UGT1A10: variants seen among roughly 807,000 people sequenced by gnomAD.
UGT1A10 encodes the protein UDP glucuronosyltransferase family 1 member A10.
A neutral mutation model predicts 45.8 loss-of-function variants in UGT1A10; 49 were observed. That is an observed-to-expected ratio of 1.07 (90% CI 0.85 to 1.36). The LOEUF (loss-of-function observed/expected upper bound fraction) is 1.36, where lower values mean the gene tolerates loss of function less well. Ranked by LOEUF, UGT1A10 falls within the 40% of genes most tolerant of loss-of-function variation. The probability of loss-of-function intolerance (pLI) is 0.00; values close to 1 mark genes in which losing one functional copy is unlikely to be tolerated. For missense variants in UGT1A10, 745 were observed against 668.6 expected (o/e 1.11, Z -1.26); for synonymous variants, 284 against 249.7 (o/e 1.14, Z -1.29).
intron 1 of UGT1A10, among the ~76,000 whole-genome samples, chr2:233,766,269 TCGGTGGCCC>T (rs2126023765): frequency 2.9e-5 from 2 of 67,956 alleles, no homozygotes; most frequent in East Asian, 5.0e-4. Flanking sequence ...TGGCCCGGGC[TCGGTGGCCC>T]GGGCTCGGTG....
intron 1 of UGT1A10, among the ~76,000 whole-genome samples, chr2:233,640,323 A>G (rs966002024): frequency 2.6e-5 from 4 of 152,106 alleles, no homozygotes; most frequent in South Asian, 4.2e-4. Context: ...GACCTTTTAA[A>G]GAAACTTTTT....
intron 1 of UGT1A10, chr2:233,682,228 C>T: frequency 1.2e-6 from 2 of 1,614,236 alleles, no homozygotes; most frequent in Non-Finnish European, 1.7e-6. Context: ...CCGATGCTCG[C>T]TGGACGGCAC....
At chr2:233,725,981 C>T (rs28899190) in intron 1 of UGT1A10, among the ~76,000 whole-genome samples, 4,581 of 152,048 alleles carry the variant, frequency 0.03, 268 homozygotes, top group African/African-American at 0.1. Flanking sequence ...GCCTGGGAAA[C>T]GTGCTGAGAC....
chr2:233,694,081 G>C (rs984890530), intron 1 of UGT1A10, among the ~76,000 whole-genome samples: 2 of 152,200 alleles, frequency 1.3e-5, no homozygotes, highest in African/African-American at 4.8e-5. Context: ...TGCTTGGCAA[G>C]AGTAGGAGAT....
At chr2:233,666,748 A>G (rs1243041832) in intron 1 of UGT1A10, among the ~76,000 whole-genome samples, 1 of 151,872 alleles carries the variant, frequency 6.6e-6, no homozygotes, top group Non-Finnish European at 1.5e-5. Context: ...TGCTGCACCC[A>G]TTAACTCGTC....
chr2:233,707,242 T>C (rs1364036901), intron 1 of UGT1A10, among the ~76,000 whole-genome samples: 1 of 152,184 alleles, frequency 6.6e-6, no homozygotes, highest in African/African-American at 2.4e-5. Flanking sequence ...ATTATTTCTC[T>C]TGTGTTTTTC....
At chr2:233,772,143 C>T in intron 4 of UGT1A10, 119 bp from the exon 5 acceptor site, 2 of 1,550,602 alleles carry the variant, frequency 1.3e-6, no homozygotes, top group Non-Finnish European at 1.7e-6. Flanking sequence ...ATAATAGAAA[C>T]AGGTTTCCTT....
intron 1 of UGT1A10, among the ~76,000 whole-genome samples, chr2:233,650,393 G>A (rs746789376): frequency 3.9e-5 from 6 of 152,230 alleles, no homozygotes; most frequent in Non-Finnish European, 7.3e-5. Context: ...ATTTTTGTCA[G>A]AATTGTGTAA....
chr2:233,709,990 G>T (rs1439015971), intron 1 of UGT1A10, among the ~76,000 whole-genome samples: 1 of 152,156 alleles, frequency 6.6e-6, no homozygotes, highest in Admixed American at 6.5e-5. Context: ...CATCTGAATG[G>T]AATCATACAA....
In UGT1A10 at chr2:233,740,456, A is replaced by T. The variant is rs1042251699; in HGVS notation, c.856-26578A>T. ...GAAAGTGGAATCAGAGGAGAAGAAG[A>T]TGATGGACAGAAAGGATCATTCCCT... On this transcript the variant is annotated intron_variant, in intron 1 of 4. Transcript: ENST00000344644. 7.2e-5 allele frequency among the ~76,000 whole-genome samples: 11 copies of T among 151,968 alleles called. 1 individual carries two copies. The highest frequency in any genetic ancestry group is 2.4e-4 in the African/African-American group (10 of 41,218).
At chr2:233,648,859 A>G (rs2073669566) in intron 1 of UGT1A10, 1 of 1,227,434 alleles carries the variant, frequency 8.1e-7, no homozygotes, top group East Asian at 2.9e-5. Flanking sequence ...TGCCTTAAAC[A>G]TAGCCTCTGA....
intron 1 of UGT1A10, among the ~76,000 whole-genome samples, chr2:233,739,239 G>C (rs1225583543): frequency 6.6e-6 from 1 of 152,230 alleles, no homozygotes; most frequent in Non-Finnish European, 1.5e-5. Context: ...ACCTCTGCTA[G>C]AGAAGGGTGG....
chr2:233,707,763 TG>T (rs2075986173), intron 1 of UGT1A10, among the ~76,000 whole-genome samples: 2 of 152,092 alleles, frequency 1.3e-5, no homozygotes, highest in African/African-American at 4.8e-5. Flanking sequence ...CACATGTGAG[TG>T]GGTTTTTAGA....
chr2:233,718,674 T>C, intron 1 of UGT1A10: 1 of 1,557,312 alleles, frequency 6.4e-7, no homozygotes, highest in South Asian at 1.2e-5. Context: ...GATTAATGGG[T>C]AATAAGTAAC....
rs1346273050 is a variant in UGT1A10, at chr2:233,637,148, A to G, written c.626A>G (p.Asn209Ser). The G allele has an allele frequency of 6.2e-7, 1 of 1,613,840 alleles. No individual in the cohort carries two copies. Among genetic ancestry groups the G allele is most frequent in the Non-Finnish European group, 8.5e-7 (1 of 1,179,866 alleles). ...DAMTFKERVW[N>S]HIVHLEDHLF... ...ATGACTTTCAAGGAGAGAGTATGGA[A>G]CCACATCGTGCACTTGGAGGACCAT... The change falls in exon 1 of 5, where the codon AAC becomes AGC. Residue 209 changes from asparagine (N) to serine (S), a missense_variant. By Grantham distance (46) the Asn-to-Ser change is conservative (BLOSUM62 1). Transcript: ENST00000344644.
chr2:233,760,182 T>C lies in UGT1A10; in HGVS notation c.856-6852T>C, dbSNP rs34547608. The C allele has an allele frequency of 4.0e-3, 6,144 of 1,550,378 alleles. 201 individuals are homozygous for C. The African/African-American group carries it at 0.074, about 19-fold the overall frequency. Reference sequence around the variant, plus strand: ...ACCTTTGTGGACTGACAGCTTTTTATAGTCACGTGACACAGTCAAACATTA... The same window carrying C: ...ACCTTTGTGGACTGACAGCTTTTTACAGTCACGTGACACAGTCAAACATTA... On this transcript the variant is annotated intron_variant, in intron 1 of 4. Transcript: ENST00000344644.
intron 1 of UGT1A10, among the ~76,000 whole-genome samples, chr2:233,745,707 T>C (rs1693180198): frequency 6.9e-6 from 1 of 145,768 alleles, no homozygotes; most frequent in African/African-American, 2.6e-5. Flanking sequence ...CAACAAGTGA[T>C]CCAGAATGGC....
At chr2:233,723,999 A>C (rs2077152052) in intron 1 of UGT1A10, among the ~76,000 whole-genome samples, 1 of 70,856 alleles carries the variant, frequency 1.4e-5, no homozygotes, top group Non-Finnish European at 2.6e-5. Context: ...TTTCTATTCC[A>C]CAAAGCCGCC....
rs117456176 is a variant in UGT1A10 at position 233,727,764 on chromosome 2, G to C, written c.856-39270G>C. On this transcript the variant is annotated intron_variant, in intron 1 of 4. Transcript: ENST00000344644. Reference sequence around the variant, plus strand: ...CCTGCGTGTGCTGCCCTTGAGCTGGGTGTCCCCCAGTAGACGCTTCCATTC... The same window carrying C: ...CCTGCGTGTGCTGCCCTTGAGCTGGCTGTCCCCCAGTAGACGCTTCCATTC... 6.8e-4 allele frequency among the ~76,000 whole-genome samples: 104 copies of C among 152,302 alleles called. No individual in the cohort carries two copies. The East Asian group carries it at 0.02, about 29-fold the overall frequency.
Sources: gnomAD v4.1 joint callset for allele counts (sites outside exome capture counted in the v4.1 genomes callset) on GRCh38, gnomAD v4.1.1 for gene constraint, MANE v1.5 for transcripts, NCBI Gene and HGNC (gene_info 2026-07-23, HGNC 2026-07-21) for gene names.